The following DDHD1 variants were observed in gnomAD, a reference collection of about 807,000 sequenced individuals.
The protein encoded by DDHD1 is DDHD domain containing 1.
In DDHD1, 49 loss-of-function variants were observed where a neutral mutation model predicts 96.4. The ratio of observed to expected loss-of-function variants is 0.51; its 90% CI spans 0.40 to 0.64. The LOEUF is 0.64. Ranked by LOEUF, DDHD1 falls within the 30% of genes least tolerant of loss-of-function variation. The pLI is 0.00. For synonymous variants in DDHD1, 442 were observed against 446.5 expected (o/e 0.99, Z 0.13); for missense variants, 1,106 against 1,161.2 (o/e 0.95, Z 0.69).
intron 4 of DDHD1, among the ~76,000 whole-genome samples, chr14:53,083,525 T>G (rs1273069846): frequency 6.6e-6 from 1 of 152,212 alleles, no homozygotes; most frequent in Non-Finnish European, 1.5e-5. Context: ...ACAAAGGTGA[T>G]TGAAGCTAGT....
Position 53,103,690 on chromosome 14 carries a change from T to C in DDHD1, c.1005A>G (p.Gly335=), listed in dbSNP as rs1359577801. ...TGTATCAATTGATCTTACCATCTTT[T>C]CCATCTATGGATTTTGACACTTCAA... The part of the protein sequence containing the change: ...FDIEVSKSID[G]KDAVHSFKLS... The change falls in exon 2 of 13, where the codon GGA becomes GGG. Residue 335 remains glycine, a synonymous_variant. Transcript: ENST00000673822. The C allele has an allele frequency of 6.2e-7, 1 of 1,609,586 alleles. No homozygotes were observed. Among genetic ancestry groups the C allele is most frequent in the Admixed American group, 1.7e-5 (1 of 59,024 alleles).
At chr14:53,062,512 CAT>C (rs1320815425) in intron 7 of DDHD1, among the ~76,000 whole-genome samples, 1 of 151,452 alleles carries the variant, frequency 6.6e-6, no homozygotes, top group Non-Finnish European at 1.5e-5. Context: ...ATACATATAA[CAT>C]GTAAAAAAAT....
At chr14:53,054,691 C>G in intron 10 of DDHD1, 62 bp from the exon 11 acceptor site, 1 of 1,529,050 alleles carries the variant, frequency 6.5e-7, no homozygotes, top group Non-Finnish European at 9.0e-7. Context: ...AGCTAAAGAG[C>G]ACCACCCATA....
In DDHD1 at chr14:53,046,485, C is replaced by T. The variant is rs1291068091; in HGVS notation, c.*283G>A. 1 of 220,886 alleles carries T rather than the reference C, an allele frequency of 4.5e-6. No homozygotes were observed. The highest frequency in any genetic ancestry group is 2.3e-5 in the African/African-American group (1 of 43,984). 13.7% of individuals were successfully genotyped at this position (220,886 alleles called of 1,614,324 possible). A position where few individuals can be genotyped will look rare whatever the true frequency, so the allele number is the denominator to read the frequency against. On this transcript the variant is annotated 3_prime_UTR_variant, in exon 13 of 13. Coordinates refer to ENST00000673822, the MANE Select transcript of DDHD1 (RefSeq NM_001160148.2). ...GAGGAATCAGATTGTGATTTGTAGC[C>T]TTTACATGCAGTTTACCCAAACCTT...
chr14:53,049,657 CA>C (rs11323291), intron 12 of DDHD1, among the ~76,000 whole-genome samples: 37,611 of 84,710 alleles, frequency 0.44, 5,226 homozygotes, highest in Non-Finnish European at 0.51. Context: ...TGAGCTAGGT[CA>C]AAAAAAAAAA....
rs181407115 is a variant in DDHD1 at position 53,076,930 on chromosome 14, A to C, written c.1290-3083T>G. ...TACTTGTTTACAGTGTCGTGTAAAC[A>C]TAACTTTTATATGCACTGAGAAGCC... On this transcript the variant is annotated intron_variant, in intron 4 of 12. Coordinates refer to ENST00000673822, the MANE Select transcript of DDHD1 (RefSeq NM_001160148.2). 7.9e-5 allele frequency among the ~76,000 whole-genome samples: 12 copies of C among 152,348 alleles called. No individual in the cohort carries two copies. In the East Asian group the frequency reaches 1.9e-3, roughly 24 times the overall value.
chr14:53,054,187 T>G (rs1882842868), intron 11 of DDHD1: 5 of 405,938 alleles, frequency 1.2e-5, no homozygotes, highest in Non-Finnish European at 1.8e-5. Flanking sequence ...TGCTTGATGG[T>G]TAAGACCTTG....
intron 2 of DDHD1, among the ~76,000 whole-genome samples, chr14:53,101,232 C>A (rs1313167807): frequency 6.6e-6 from 1 of 152,044 alleles, no homozygotes; most frequent in East Asian, 1.9e-4. Context: ...ATGATTTTCC[C>A]GACAATGGTA....
At chr14:53,089,011 T>C (rs530924056) in intron 4 of DDHD1, among the ~76,000 whole-genome samples, 2 of 152,316 alleles carry the variant, frequency 1.3e-5, no homozygotes, top group East Asian at 3.9e-4. Context: ...ATCACAAGCA[T>C]TCTTATAAAC....
At chr14:53,074,799 T>C (rs1358853108) in intron 4 of DDHD1, among the ~76,000 whole-genome samples, 2 of 152,154 alleles carry the variant, frequency 1.3e-5, no homozygotes, top group African/African-American at 4.8e-5. Context: ...TTCTCCACTT[T>C]TTAAAAAACT....
At chr14:53,126,538 T>C (rs146976716) in intron 1 of DDHD1, among the ~76,000 whole-genome samples, 87 of 152,284 alleles carry the variant, frequency 5.7e-4, no homozygotes, top group African/African-American at 2.0e-3. Context: ...AGCTAATTTT[T>C]TGTATTTTTA....
chr14:53,066,106 C>T (rs1595110987), intron 6 of DDHD1, among the ~76,000 whole-genome samples: 2 of 152,098 alleles, frequency 1.3e-5, no homozygotes, highest in Admixed American at 6.6e-5. Flanking sequence ...GTGAGAAATT[C>T]GATCTAAGAT....
chr14:53,062,116 C>A (rs1024125041), intron 7 of DDHD1, among the ~76,000 whole-genome samples: 1 of 147,674 alleles, frequency 6.8e-6, no homozygotes, highest in Admixed American at 6.8e-5. Context: ...ATTTATACAT[C>A]TAAAATGCTG....
chr14:53,129,681 T>C lies in DDHD1; in HGVS notation c.838+22580A>G, dbSNP rs1176837978. 2.6e-5 allele frequency among the ~76,000 whole-genome samples: 4 copies of C among 152,262 alleles called. No individual in the cohort carries two copies. The East Asian group carries it at 7.7e-4, about 29-fold the overall frequency. ...TTCTCTGGGCTTGCCTCTTTCACTA[T>C]GGGCAATCTTTCAACCTCCATTCCT... On this transcript the variant is annotated intron_variant, in intron 1 of 12. Transcript: ENST00000673822.
intron 2 of DDHD1, among the ~76,000 whole-genome samples, chr14:53,095,860 C>T (rs1198882227): frequency 6.6e-6 from 1 of 151,866 alleles, no homozygotes. Flanking sequence ...GAGTGTTAAG[C>T]CAGAAAAATT....
chr14:53,102,899 T>C, intron 2 of DDHD1: 1 of 845,354 alleles, frequency 1.2e-6, no homozygotes, highest in South Asian at 1.8e-5. Flanking sequence ...ATTAATATTT[T>C]AATTCATTAG....
At chr14:53,146,437 GAGGTTGC>G (rs1364501410) in intron 1 of DDHD1, among the ~76,000 whole-genome samples, 4 of 150,234 alleles carry the variant, frequency 2.7e-5, no homozygotes, top group Non-Finnish European at 4.4e-5. Context: ...CTGGGAGGCA[GAGGTTGC>G]AGTGAGCTGA....
chr14:53,152,424 G>A lies in DDHD1; in HGVS notation c.675C>T (p.Ser225=). 3 of 1,613,814 alleles carry A rather than the reference G, an allele frequency of 1.9e-6. No individual in the cohort carries two copies. The highest frequency in any genetic ancestry group is 2.5e-6 in the Non-Finnish European group (3 of 1,179,954). ...CGCGGTCCTCATCGTCATCTTCTCC[G>A]GAACTGGAGGCTGGGCCCGTGGGGG... is the stretch of plus-strand genomic sequence containing the variant. The part of the protein sequence containing the change: ...VCSPTGPASS[S]GEDDDEDRAC... The change falls in exon 1 of 13, where the codon TCC becomes TCT. Residue 225 remains serine, a synonymous_variant. Coordinates refer to ENST00000673822, the MANE Select transcript of DDHD1 (RefSeq NM_001160148.2).
At chr14:53,120,746 T>C (rs561354979) in intron 1 of DDHD1, among the ~76,000 whole-genome samples, 1 of 152,188 alleles carries the variant, frequency 6.6e-6, no homozygotes, top group African/African-American at 2.4e-5. Flanking sequence ...GCTAGTTATA[T>C]GCAGAAAACA....
Sources: allele counts gnomAD v4.1 joint callset (sites outside exome capture counted in the v4.1 genomes callset), GRCh38; gene constraint gnomAD v4.1.1; transcripts MANE v1.5; gene names NCBI Gene and HGNC (gene_info 2026-07-23, HGNC 2026-07-21).